LUZP1: variants seen among roughly 807,000 people sequenced by gnomAD.
LUZP1 encodes filamin mechanobinding actin cross-linking protein.
In LUZP1, 25 loss-of-function variants were observed where a neutral mutation model predicts 71.3. The observed-to-expected ratio is 0.35, with a 90% CI of 0.26 to 0.49. The LOEUF is 0.49. Among genes scored for constraint, LUZP1 ranks in the 20% least tolerant of loss-of-function variants. LUZP1 has a pLI of 0.99. For synonymous variants in LUZP1, 481 were observed against 506.4 expected (o/e 0.95, Z 0.67); for missense variants, 1,142 against 1,300.8 (o/e 0.88, Z 1.88).
chr1:23,086,249 T>C (rs952570238), exon 5 of LUZP1: 1 of 152,638 alleles, frequency 6.6e-6, no homozygotes, highest in African/African-American at 2.4e-5. Context: ...CCTCCAGCCT[T>C]TACTTGCTAT....
chr1:23,138,127 C>G (rs747893852), intron 2 of LUZP1, among the ~76,000 whole-genome samples: 1 of 152,068 alleles, frequency 6.6e-6, no homozygotes, highest in African/African-American at 2.4e-5. Flanking sequence ...CATGACATCA[C>G]GACTGGCTAA....
intron 2 of LUZP1, among the ~76,000 whole-genome samples, chr1:23,121,538 T>G (rs897704452): frequency 2.6e-5 from 4 of 152,114 alleles, no homozygotes; most frequent in African/African-American, 9.7e-5. Context: ...GGCAACATAG[T>G]AAGACCTTGT....
chr1:23,089,775 T>C (rs1643825656), intron 4 of LUZP1, among the ~76,000 whole-genome samples: 1 of 149,924 alleles, frequency 6.7e-6, no homozygotes, highest in Non-Finnish European at 1.5e-5. Flanking sequence ...TTTTTCTTTT[T>C]TTGAGACGTC....
intron 2 of LUZP1, among the ~76,000 whole-genome samples, chr1:23,142,574 T>A (rs1644311572): frequency 6.6e-6 from 1 of 151,824 alleles, no homozygotes; most frequent in Non-Finnish European, 1.5e-5. Flanking sequence ...GACTTTAGGG[T>A]ATGATGGGGC....
upstream of LUZP1, among the ~76,000 whole-genome samples, chr1:23,178,015 T>C (rs1175353872): frequency 6.6e-6 from 1 of 152,226 alleles, no homozygotes; most frequent in Non-Finnish European, 1.5e-5. Flanking sequence ...AATCGCGTCC[T>C]TGTTAATTCA....
exon 4 of LUZP1, chr1:23,091,316 T>C (rs777641834): frequency 2.2e-5 from 36 of 1,614,006 alleles, no homozygotes; most frequent in Non-Finnish European, 3.1e-5. Context: ...GGGCATCCCC[T>C]GAACTTGGTC....
At chr1:23,111,020 T>A (rs1228024614) in intron 2 of LUZP1, among the ~76,000 whole-genome samples, 1 of 150,696 alleles carries the variant, frequency 6.6e-6, no homozygotes, top group East Asian at 2.0e-4. Context: ...GCCAATATGG[T>A]GAAACCCCAT....
Position 23,093,363 on chromosome 1 carries a change from G to A in LUZP1, c.899C>T (p.Thr300Ile), listed in dbSNP as rs751433880. 108 of 1,613,298 alleles carry A rather than the reference G, an allele frequency of 6.7e-5. No individual in the cohort carries two copies. The highest frequency in any genetic ancestry group is 1.0e-4 in the Admixed American group (6 of 59,864). The change falls in exon 4 of 5, where the codon ACA becomes ATA. Residue 300 changes from threonine to isoleucine, a missense_variant. By Grantham distance (89) the Thr-to-Ile change is moderately conservative (BLOSUM62 -1). Transcript: ENST00000302291. The surrounding 1 kb of genome is among the most constrained non-coding windows in gnomAD (Gnocchi z 4.2). ...CAACGATTCAAAGTGTTTGATTTGT[G>A]TCTTAAGTTTCTCAATCTCTTGGTT...
At chr1:23,159,700 T>A (rs568439997) in intron 2 of LUZP1, among the ~76,000 whole-genome samples, 20 of 152,300 alleles carry the variant, frequency 1.3e-4, no homozygotes, top group African/African-American at 4.8e-4. Context: ...AATATCAGTA[T>A]CACGCCAGAC....
At chr1:23,107,405 A>T (rs866027449) in intron 3 of LUZP1, among the ~76,000 whole-genome samples, 2 of 152,204 alleles carry the variant, frequency 1.3e-5, no homozygotes, top group African/African-American at 4.8e-5. Flanking sequence ...TATTTTGTTT[A>T]ATGCAGTATA....
At chr1:23,097,182 A>G (rs963291840) in intron 3 of LUZP1, among the ~76,000 whole-genome samples, 1 of 152,092 alleles carries the variant, frequency 6.6e-6, no homozygotes, top group African/African-American at 2.4e-5. Context: ...CCCTAATACT[A>G]TCTCCTTAAA....
At chr1:23,107,284 A>G (rs1470472961) in intron 3 of LUZP1, among the ~76,000 whole-genome samples, 1 of 152,110 alleles carries the variant, frequency 6.6e-6, no homozygotes, top group African/African-American at 2.4e-5. Flanking sequence ...AGCATGTACT[A>G]TCTAGTGGAT....
At chr1:23,139,728 G>T (rs1321402428) in intron 2 of LUZP1, among the ~76,000 whole-genome samples, 1 of 152,098 alleles carries the variant, frequency 6.6e-6, no homozygotes, top group Non-Finnish European at 1.5e-5. Context: ...CAAGAGGATT[G>T]CTTGAGGCCA....
chr1:23,134,369 C>T (rs1002651864), intron 2 of LUZP1, among the ~76,000 whole-genome samples: 3 of 152,000 alleles, frequency 2.0e-5, no homozygotes, highest in Non-Finnish European at 2.9e-5. Flanking sequence ...GCAGACCCAG[C>T]TACTCAGGAG....
At chr1:23,150,561 T>C (rs538384343) in intron 2 of LUZP1, among the ~76,000 whole-genome samples, 1 of 152,128 alleles carries the variant, frequency 6.6e-6, no homozygotes, top group Middle Eastern at 3.4e-3. Flanking sequence ...AAACAGGTAG[T>C]AAAGGGACAT....
At chr1:23,083,931 G>C (rs549779284), downstream of LUZP1, 1 of 152,200 alleles carries the variant, frequency 6.6e-6, no homozygotes, top group Admixed American at 6.5e-5. Context: ...TCACTTGGGT[G>C]GGGGTGGAGT....
chr1:23,147,046 G>A (rs190087704), intron 2 of LUZP1, among the ~76,000 whole-genome samples: 8 of 151,726 alleles, frequency 5.3e-5, no homozygotes, highest in South Asian at 2.1e-4. Context: ...GCAGTGAGCC[G>A]AGATCGCGCC....
chr1:23,157,879 G>A (rs1557689638), intron 2 of LUZP1, among the ~76,000 whole-genome samples: 1 of 152,070 alleles, frequency 6.6e-6, no homozygotes, highest in Middle Eastern at 3.4e-3. Context: ...AGGCATGGTG[G>A]CATGCACTAG....
At chr1:23,132,041 C>T (rs570549614) in intron 2 of LUZP1, among the ~76,000 whole-genome samples, 1 of 152,224 alleles carries the variant, frequency 6.6e-6, no homozygotes, top group African/African-American at 2.4e-5. Context: ...CACTATGTTG[C>T]CCAAGCTGGT....
Sources: allele counts gnomAD v4.1 joint callset (sites outside exome capture counted in the v4.1 genomes callset), GRCh38; gene constraint gnomAD v4.1.1; non-coding constraint Gnocchi (gnomAD v3.1); transcripts MANE v1.5; gene names NCBI Gene and HGNC (gene_info 2026-07-23, HGNC 2026-07-21).